PDZRN3: variants seen among roughly 807,000 people sequenced by gnomAD.
PDZRN3 encodes the protein PDZ domain containing ring finger 3, also known as E3 ubiquitin-protein ligase PDZRN3.
PDZRN3 carries 38 observed loss-of-function variants against 85.7 expected under a neutral mutation model. The observed-to-expected ratio is 0.44, with a 90% CI of 0.34 to 0.58. The LOEUF (loss-of-function observed/expected upper bound fraction) is 0.58. PDZRN3 is among the 20% of genes least tolerant of loss of function. PDZRN3 has a pLI of 0.01. For synonymous variants in PDZRN3, 759 were observed against 638.0 expected, an observed-to-expected ratio of 1.19 and a Z score of -2.86; for missense variants, 1,629 against 1,506.4, an observed-to-expected ratio of 1.08 and a Z score of -1.35.
chr3:73,562,654 T>G (rs981239924), intron 3 of PDZRN3, among the ~76,000 whole-genome samples: 3 of 152,048 alleles, frequency 2.0e-5, no homozygotes, highest in Non-Finnish European at 4.4e-5. Flanking sequence ...CTTCTGAAGC[T>G]TACATAATTT....
chr3:73,424,367 CAA>C (rs66466551), intron 3 of PDZRN3, among the ~76,000 whole-genome samples: 3,230 of 54,792 alleles, frequency 0.059, 157 homozygotes, highest in African/African-American at 0.21. Context: ...CCGTCTCTAC[CAA>C]AAAAAAAAAA....
At chr3:73,473,751 T>TGA (rs1703395062) in intron 3 of PDZRN3, among the ~76,000 whole-genome samples, 1 of 152,224 alleles carries the variant, frequency 6.6e-6, no homozygotes, top group African/African-American at 2.4e-5. Flanking sequence ...GGTGAGGAAC[T>TGA]GAGGCCTCTT....
chr3:73,553,410 C>T (rs1200015553), intron 3 of PDZRN3, among the ~76,000 whole-genome samples: 1 of 151,956 alleles, frequency 6.6e-6, no homozygotes, highest in Non-Finnish European at 1.5e-5. Context: ...CCCATCTCTA[C>T]TAAAAAATAC....
chr3:73,458,568 C>G, intron 3 of PDZRN3, among the ~76,000 whole-genome samples: 1 of 148,076 alleles, frequency 6.8e-6, no homozygotes, highest in Non-Finnish European at 1.5e-5. Flanking sequence ...AGATACAATG[C>G]TAGGAAACTG....
At chr3:73,609,967 TA>T (rs1319740746) in intron 1 of PDZRN3, among the ~76,000 whole-genome samples, 5 of 152,186 alleles carry the variant, frequency 3.3e-5, no homozygotes, top group African/African-American at 9.7e-5. Context: ...CCAGTAGAGC[TA>T]AAAAAATATT....
chr3:73,605,318 A>G (rs1702582395), intron 2 of PDZRN3, among the ~76,000 whole-genome samples: 2 of 152,210 alleles, frequency 1.3e-5, no homozygotes, highest in South Asian at 4.1e-4. Flanking sequence ...AGGTGAACTA[A>G]TATGACTTGG....
intron 3 of PDZRN3, among the ~76,000 whole-genome samples, chr3:73,497,805 G>T (rs983042627): frequency 6.8e-6 from 1 of 146,572 alleles, no homozygotes; most frequent in Non-Finnish European, 1.5e-5. Context: ...AGCGCCCCCC[G>T]TCCCCGCCCC....
At chr3:73,436,671 A>T (rs1342562047) in intron 3 of PDZRN3, among the ~76,000 whole-genome samples, 1 of 152,170 alleles carries the variant, frequency 6.6e-6, no homozygotes, top group Non-Finnish European at 1.5e-5. Flanking sequence ...ACAAGCTGGG[A>T]CAGTTTTACT....
intron 3 of PDZRN3, among the ~76,000 whole-genome samples, chr3:73,485,362 G>A (rs896478096): frequency 2.0e-5 from 3 of 150,520 alleles, no homozygotes. Flanking sequence ...CATCATCGTG[G>A]AATAAGAAAT....
intron 3 of PDZRN3, among the ~76,000 whole-genome samples, chr3:73,443,479 C>CTTTTTTT (rs768320565): frequency 2.1e-4 from 10 of 48,148 alleles, no homozygotes; most frequent in African/African-American, 4.1e-4. Context: ...TTTCCTTTTT[C>CTTTTTTT]TTTTTTTTTT....
intron 3 of PDZRN3, among the ~76,000 whole-genome samples, chr3:73,477,239 C>T (rs938640286): frequency 1.3e-5 from 2 of 152,116 alleles, no homozygotes. Context: ...GCTATAAAGA[C>T]TATTATTATA....
intron 3 of PDZRN3, among the ~76,000 whole-genome samples, chr3:73,465,303 C>T (rs1703191602): frequency 1.3e-5 from 2 of 152,128 alleles, no homozygotes; most frequent in Admixed American, 1.3e-4. Context: ...TTTGAATCTC[C>T]ATCTCTCCTC....
chr3:73,580,613 A>C (rs1702186700), intron 3 of PDZRN3, among the ~76,000 whole-genome samples: 1 of 152,216 alleles, frequency 6.6e-6, no homozygotes, highest in African/African-American at 2.4e-5. Flanking sequence ...TAAAGAGGAG[A>C]AGGCTGCACT....
intron 3 of PDZRN3, among the ~76,000 whole-genome samples, chr3:73,427,813 G>T (rs756693215): frequency 6.6e-6 from 1 of 152,212 alleles, no homozygotes; most frequent in African/African-American, 2.4e-5. Context: ...CACAGAGAAC[G>T]ATGCAAAGTC....
intron 3 of PDZRN3, among the ~76,000 whole-genome samples, chr3:73,479,438 C>A (rs113839697): frequency 6.6e-6 from 1 of 151,850 alleles, no homozygotes; most frequent in East Asian, 1.9e-4. Flanking sequence ...CATTGCTTGG[C>A]CACATTCAAT....
intron 3 of PDZRN3, among the ~76,000 whole-genome samples, chr3:73,414,524 A>G (rs556849552): frequency 2.1e-3 from 318 of 152,336 alleles, no homozygotes; most frequent in Non-Finnish European, 1.2e-3. Context: ...ATAGCCAACT[A>G]GTTCATCTTG....
At chr3:73,527,701 T>A (rs549849307) in intron 3 of PDZRN3, among the ~76,000 whole-genome samples, 1 of 152,256 alleles carries the variant, frequency 6.6e-6, no homozygotes, top group Admixed American at 6.5e-5. Context: ...TCTAACTAAT[T>A]ACGAAAAGAA....
intron 3 of PDZRN3, among the ~76,000 whole-genome samples, chr3:73,405,435 A>G (rs1340213219): frequency 6.6e-6 from 1 of 152,248 alleles, no homozygotes; most frequent in Non-Finnish European, 1.5e-5. Flanking sequence ...AAAGTCTGGT[A>G]ACATCTTATG....
intron 3 of PDZRN3, among the ~76,000 whole-genome samples, chr3:73,488,121 G>T (rs907414813): frequency 1.3e-5 from 2 of 152,086 alleles, no homozygotes; most frequent in African/African-American, 2.4e-5. Flanking sequence ...TGCCAGCACA[G>T]GTCTGATAGC....
Sources: gnomAD v4.1 joint callset for allele counts (sites outside exome capture counted in the v4.1 genomes callset) on GRCh38, gnomAD v4.1.1 for gene constraint, MANE v1.5 for transcripts, NCBI Gene and HGNC (gene_info 2026-07-23, HGNC 2026-07-21) for gene names.